The following TTC23 variants were observed in gnomAD, a reference collection of about 807,000 sequenced individuals.
TTC23 encodes tetratricopeptide repeat protein 23.
Under a neutral mutation model 55.1 loss-of-function variants are expected in TTC23, and 58 were observed. The ratio of observed to expected loss-of-function variants is 1.05; its 90% confidence interval spans 0.85 to 1.31. The LOEUF (loss-of-function observed/expected upper bound fraction) is 1.31, where lower values mean the gene tolerates loss of function less well. Ranked by LOEUF, TTC23 falls within the 50% of genes most tolerant of loss-of-function variation. The pLI is 0.00. For synonymous variants in TTC23, 203 were observed against 199.9 expected, an observed-to-expected ratio of 1.02 and a Z score of -0.13; for missense variants, 516 against 534.4, an observed-to-expected ratio of 0.97 and a Z score of 0.34.
At chr15:99,201,897 T>C (rs561785403) in intron 8 of TTC23, among the ~76,000 whole-genome samples, 15 of 152,254 alleles carry the variant, frequency 9.9e-5, no homozygotes, top group African/African-American at 3.6e-4. Flanking sequence ...CAGAAACATA[T>C]GGTTGGTAAG....
upstream of TTC23, among the ~76,000 whole-genome samples, chr15:99,250,264 G>A (rs1240449237): frequency 1.3e-5 from 2 of 152,142 alleles, no homozygotes. Context: ...CAACCATGCT[G>A]TATACCTGAA....
chr15:99,150,929 C>T (rs553961164), intron 12 of TTC23, among the ~76,000 whole-genome samples: 2 of 152,182 alleles, frequency 1.3e-5, no homozygotes, highest in Non-Finnish European at 2.9e-5. Context: ...TGCCTCTGAG[C>T]GTCCTTCTTC....
At chr15:99,183,412 C>T (rs1217996644) in intron 9 of TTC23, among the ~76,000 whole-genome samples, 1 of 151,318 alleles carries the variant, frequency 6.6e-6, no homozygotes, top group Non-Finnish European at 1.5e-5. Context: ...ACCTCCGCCT[C>T]CTGGGTTCAA....
At chr15:99,145,832 G>A (rs1482181641) in intron 12 of TTC23, among the ~76,000 whole-genome samples, 3 of 152,136 alleles carry the variant, frequency 2.0e-5, no homozygotes, top group African/African-American at 4.8e-5. Flanking sequence ...CAGGGAAGGT[G>A]GGAAGGGAGA....
intron 11 of TTC23, 71 bp from the exon 12 acceptor site, chr15:99,156,368 A>T: frequency 1.3e-6 from 2 of 1,554,348 alleles, no homozygotes; most frequent in Non-Finnish European, 1.8e-6. Context: ...GCAACTTGTA[A>T]CATTTTCACA....
At chr15:99,184,551 T>C (rs2074481189) in intron 9 of TTC23, among the ~76,000 whole-genome samples, 1 of 152,204 alleles carries the variant, frequency 6.6e-6, no homozygotes, top group African/African-American at 2.4e-5. Flanking sequence ...CTGTAGCCCC[T>C]TTTGTTTTGG....
At chr15:99,210,512 A>C (rs2076960017) in intron 8 of TTC23, among the ~76,000 whole-genome samples, 1 of 152,210 alleles carries the variant, frequency 6.6e-6, no homozygotes, top group Non-Finnish European at 1.5e-5. Flanking sequence ...GTCCCACAGG[A>C]GCAGCTGACA....
chr15:99,162,459 G>A (rs1036713893), intron 10 of TTC23, among the ~76,000 whole-genome samples: 1 of 152,112 alleles, frequency 6.6e-6, no homozygotes, highest in Non-Finnish European at 1.5e-5. Context: ...CTCAGGTATG[G>A]AAAATGACGA....
At chr15:99,170,104 T>C (rs1296137870) in intron 10 of TTC23, among the ~76,000 whole-genome samples, 2 of 152,284 alleles carry the variant, frequency 1.3e-5, no homozygotes, top group East Asian at 3.9e-4. Context: ...ATACCAAGTT[T>C]GTCTATGCTC....
intron 10 of TTC23, among the ~76,000 whole-genome samples, chr15:99,168,551 G>A (rs1039660975): frequency 6.6e-6 from 1 of 152,158 alleles, no homozygotes; most frequent in Admixed American, 6.5e-5. Flanking sequence ...AGTTCTGAAC[G>A]CAAATTACAA....
rs532096253 is a variant in TTC23 at position 99,214,507 on chromosome 15, C to CAA, written c.581+4079_581+4080dup. The stretch of plus-strand genomic sequence containing the variant: ...TGGGTGACAGAGTGAGACTGCATCT[C>CAA]AAAAAAAAAAAAAAAAAAAGAGATC... On this transcript the variant is annotated intron_variant, in intron 8 of 13. Transcript: ENST00000394132. Among the ~76,000 whole-genome samples, 480 of 98,664 alleles carry CAA rather than the reference C, an allele frequency of 4.9e-3. 6 individuals carry two copies. Among genetic ancestry groups the CAA allele is most frequent in the Middle Eastern group, 0.011 (2 of 176 alleles). The allele number at this position is 98,664 out of a possible 152,430, so 64.7% of individuals were successfully genotyped here.
chr15:99,219,418 C>T (rs1262279133), intron 6 of TTC23, among the ~76,000 whole-genome samples: 2 of 152,098 alleles, frequency 1.3e-5, no homozygotes, highest in Non-Finnish European at 2.9e-5. Flanking sequence ...AATTTTAATC[C>T]TGGCTGTGTA....
chr15:99,177,930 A>C (rs2073748371), intron 9 of TTC23, among the ~76,000 whole-genome samples: 1 of 152,198 alleles, frequency 6.6e-6, no homozygotes, highest in South Asian at 2.1e-4. Context: ...CTATAATCTC[A>C]GCACCTTGGG....
At chr15:99,234,797 G>A (rs549090965) in intron 4 of TTC23, among the ~76,000 whole-genome samples, 191 bp downstream of exon 4, 32 of 152,184 alleles carry the variant, frequency 2.1e-4, no homozygotes, top group African/African-American at 6.0e-4. Flanking sequence ...ACAATGAGAC[G>A]TCACTCATCA....
chr15:99,182,065 A>G (rs191203492), intron 9 of TTC23, among the ~76,000 whole-genome samples: 195 of 152,278 alleles, frequency 1.3e-3, no homozygotes, highest in African/African-American at 4.5e-3. Flanking sequence ...TTTAAATGAT[A>G]AGAGTATTAC....
At chr15:99,226,791 G>A (rs887592322) in intron 5 of TTC23, among the ~76,000 whole-genome samples, 29 of 152,054 alleles carry the variant, frequency 1.9e-4, no homozygotes, top group East Asian at 5.8e-4. Context: ...CTTCCTGGAG[G>A]CCCTCCCTGA....
intron 9 of TTC23, among the ~76,000 whole-genome samples, chr15:99,194,070 C>A (rs1368629130): frequency 6.6e-6 from 1 of 151,728 alleles, no homozygotes; most frequent in African/African-American, 2.4e-5. Flanking sequence ...TTTAGGAACT[C>A]ATAGCTGAGA....
At chr15:99,246,917 G>C (rs2080296156) in intron 1 of TTC23, among the ~76,000 whole-genome samples, 1 of 152,106 alleles carries the variant, frequency 6.6e-6, no homozygotes, top group African/African-American at 2.4e-5. Flanking sequence ...GCGAGACCCA[G>C]TCTCAAACAA....
intron 10 of TTC23, among the ~76,000 whole-genome samples, chr15:99,167,769 C>G (rs922262710): frequency 6.6e-6 from 1 of 152,192 alleles, no homozygotes; most frequent in Non-Finnish European, 1.5e-5. Context: ...TGTCCTAAGG[C>G]AGGAGTTGGA....
Sources: gnomAD v4.1 joint callset for allele counts (sites outside exome capture counted in the v4.1 genomes callset) on GRCh38, gnomAD v4.1.1 for gene constraint, MANE v1.5 for transcripts, NCBI Gene and HGNC (gene_info 2026-07-23, HGNC 2026-07-21) for gene names.